The following FAM13A variants were observed in gnomAD, a reference collection of about 807,000 sequenced individuals.
FAM13A encodes family with sequence similarity 13 member A, also known as protein FAM13A.
In FAM13A, 76 loss-of-function variants were observed where a neutral mutation model predicts 129.6. The observed-to-expected ratio is 0.59, with a 90% confidence interval of 0.49 to 0.71. FAM13A has a LOEUF of 0.71. Among genes scored for constraint, FAM13A ranks in the 30% least tolerant of loss-of-function variants. The pLI, the probability that FAM13A is intolerant of heterozygous loss-of-function variation, is 0.00. For missense variants in FAM13A, 1,108 were observed against 1,249.3 expected (o/e 0.89, Z 1.70); for synonymous variants, 443 against 449.9 (o/e 0.98, Z 0.20).
At position 88,759,881 on chromosome 4, in the gene FAM13A, T is replaced by C. The variant is rs192265531; in HGVS notation, c.1579-980A>G. On this transcript the variant is annotated intron_variant, in intron 13 of 23. Transcript: ENST00000264344. Reference sequence around the variant, plus strand: ...TTTTTTTTAAGCCTTGCTCTCTGGGTAATTTGTAAATTCAACCATTGTCAC... The same window carrying C: ...TTTTTTTTAAGCCTTGCTCTCTGGGCAATTTGTAAATTCAACCATTGTCAC... Among the ~76,000 whole-genome samples the C allele has an allele frequency of 2.0e-4, 31 of 152,330 alleles. 1 individual carries two copies. The East Asian group carries it at 5.6e-3, about 27-fold the overall frequency.
intron 23 of FAM13A, chr4:88,729,080 T>TC (rs111874270): frequency 1.4e-5 from 2 of 147,166 alleles, no homozygotes; most frequent in Non-Finnish European, 2.9e-5. Context: ...TTTTTTTTTT[T>TC]CCAAAAACAG....
At chr4:88,753,885 G>A (rs1045419685) in intron 14 of FAM13A, among the ~76,000 whole-genome samples, 3 of 152,110 alleles carry the variant, frequency 2.0e-5, no homozygotes, top group Non-Finnish European at 2.9e-5. Flanking sequence ...CTAGAGAGCC[G>A]GTTTTGAGGA....
intron 6 of FAM13A, among the ~76,000 whole-genome samples, chr4:88,877,827 A>G (rs1446814461): frequency 6.6e-6 from 1 of 152,178 alleles, no homozygotes; most frequent in African/African-American, 2.4e-5. Context: ...TGAATCTTCT[A>G]CTTCCCACCT....
chr4:88,923,034 G>A (rs1375805329), intron 5 of FAM13A, among the ~76,000 whole-genome samples: 1 of 152,058 alleles, frequency 6.6e-6, no homozygotes, highest in Admixed American at 6.6e-5. Context: ...CCAATAACAG[G>A]CTCTGAAATT....
rs1742325866 is a variant in FAM13A at position 88,750,439 on chromosome 4, G to C, written c.1925C>G (p.Ser642Cys). The change falls in exon 15 of 24, where the codon TCC becomes TGC. Residue 642 changes from serine (S) to cysteine (C), a missense_variant. Transcript: ENST00000264344. The part of the protein sequence containing the change: ...DTEVPPSPPN[S>C]HSFMRRRSSS... ...AGAAACATACCTCATGAAAGAATGG[G>C]AGTTTGGTGGGGAAGGAGGCACTTC... The C allele has an allele frequency of 1.9e-6, 3 of 1,613,818 alleles. No homozygotes were observed. Among genetic ancestry groups the C allele is most frequent in the Non-Finnish European group, 2.5e-6 (3 of 1,179,710 alleles).
intron 3 of FAM13A, among the ~76,000 whole-genome samples, chr4:89,015,990 T>C (rs918959745): frequency 2.6e-5 from 4 of 152,218 alleles, no homozygotes; most frequent in East Asian, 1.9e-4. Flanking sequence ...ATGTGTATGT[T>C]AACTGTAACA....
intron 4 of FAM13A, among the ~76,000 whole-genome samples, chr4:88,942,684 C>A (rs763895346): frequency 6.6e-6 from 1 of 151,956 alleles, no homozygotes; most frequent in African/African-American, 2.4e-5. Flanking sequence ...ATCACCCATA[C>A]CAAAGACGGT....
chr4:88,808,674 C>T (rs1376650477), intron 7 of FAM13A, among the ~76,000 whole-genome samples: 1 of 151,980 alleles, frequency 6.6e-6, no homozygotes, highest in Non-Finnish European at 1.5e-5. Flanking sequence ...AGAATTCATT[C>T]GATTTCCTCC....
intron 1 of FAM13A, among the ~76,000 whole-genome samples, chr4:89,052,689 T>C (rs951979973): frequency 8.5e-5 from 13 of 152,112 alleles, no homozygotes; most frequent in African/African-American, 3.1e-4. Context: ...TATAAAACAA[T>C]GGCTTGGCCA....
chr4:89,052,260 TTTTTTTCTTTTTTC>T (rs35430874), intron 1 of FAM13A, among the ~76,000 whole-genome samples: 11 of 141,768 alleles, frequency 7.8e-5, no homozygotes, highest in Non-Finnish European at 1.5e-5. Context: ...CTTTCTTTTT[TTTTTTTCTTTTTTC>T]TTTTTTCTTT....
chr4:88,728,430 G>A lies in FAM13A; in HGVS notation c.*103C>T, dbSNP rs1039647394. On this transcript the variant is annotated 3_prime_UTR_variant, in exon 24 of 24. Coordinates refer to ENST00000264344, the MANE Select transcript of FAM13A (RefSeq NM_014883.4). The stretch of plus-strand genomic sequence containing the variant: ...TGGTCTAGAGGCAGAAGGGCTGCAT[G>A]CTTTGCAGGGCCAGCCCCAAGGCTG... The A allele has an allele frequency of 7.0e-6, 10 of 1,426,366 alleles. No individual in the cohort carries two copies. Among genetic ancestry groups the A allele is most frequent in the African/African-American group, 5.7e-5 (4 of 70,406 alleles). The allele number at this position is 1,426,366 out of a possible 1,614,324, so 88.4% of individuals were successfully genotyped here.
chr4:89,010,189 C>A (rs1765553240), intron 3 of FAM13A, among the ~76,000 whole-genome samples: 2 of 152,152 alleles, frequency 1.3e-5, no homozygotes, highest in Admixed American at 6.5e-5. Flanking sequence ...AAATTTGTAA[C>A]CCTGCTAAAC....
Position 88,938,131 on chromosome 4 carries a change from T to C in FAM13A, c.716A>G (p.Asp239Gly). 6.2e-7 allele frequency: 1 copy of C among 1,613,712 alleles called. No individual in the cohort carries two copies. The highest frequency in any genetic ancestry group is 1.3e-5 in the African/African-American group (1 of 75,032). ...TLFEVEYTEN[D>G]HLRCENLARL... Reference sequence around the variant, plus strand: ...AGCCAGGTTTTCACATCTCAGATGATCATTTTCTGTATACTCTACTTCAAA... The same window carrying C: ...AGCCAGGTTTTCACATCTCAGATGACCATTTTCTGTATACTCTACTTCAAA... Residue 239 changes from aspartate (D) to glycine (G), a missense_variant, in exon 5 of 24, where the codon GAT becomes GGT. This residue lies in a region of FAM13A where 566 missense variants were observed against 595.7 expected (regional missense o/e 0.95). Transcript: ENST00000264344.
chr4:88,812,134 C>T (rs904583480), intron 7 of FAM13A, among the ~76,000 whole-genome samples: 1 of 152,112 alleles, frequency 6.6e-6, no homozygotes, highest in African/African-American at 2.4e-5. Flanking sequence ...GACTTCCCAG[C>T]CTCCAGAACT....
intron 6 of FAM13A, among the ~76,000 whole-genome samples, chr4:88,880,789 G>GC (rs1743412633): frequency 7.4e-6 from 1 of 134,356 alleles, no homozygotes; most frequent in African/African-American, 2.6e-5. Context: ...GGGGCGGGGG[G>GC]GGGGGGGGCA....
At chr4:88,810,607 C>T (rs896139961) in intron 7 of FAM13A, among the ~76,000 whole-genome samples, 1 of 152,068 alleles carries the variant, frequency 6.6e-6, no homozygotes, top group Non-Finnish European at 1.5e-5. Flanking sequence ...AAAGGTGCTT[C>T]AATCTTACTT....
chr4:88,952,599 A>G (rs1373583689), intron 4 of FAM13A, among the ~76,000 whole-genome samples: 1 of 152,214 alleles, frequency 6.6e-6, no homozygotes, highest in East Asian at 1.9e-4. Context: ...GTATAGGTAC[A>G]TGTAGTTCAT....
chr4:88,871,856 G>C (rs570830030), intron 6 of FAM13A, among the ~76,000 whole-genome samples: 1 of 152,254 alleles, frequency 6.6e-6, no homozygotes, highest in East Asian at 1.9e-4. Context: ...GATTCACCAA[G>C]GTTGAAATGA....
rs975791502 is a variant in FAM13A at position 89,042,090 on chromosome 4, T to G, written c.28-12441A>C. Among the ~76,000 whole-genome samples, 9 of 116,470 alleles carry G rather than the reference T, an allele frequency of 7.7e-5. 1 individual carries two copies. Among genetic ancestry groups the G allele is most frequent in the Admixed American group, 6.7e-4 (8 of 11,854 alleles). 76.4% of individuals were successfully genotyped at this position (116,470 alleles called of 152,430 possible). The stretch of plus-strand genomic sequence containing the variant: ...CACATCTTTGATGGACATATGTATA[T>G]GTTTGATGAACAAGATGTAAATAGA... On this transcript the variant is annotated intron_variant, in intron 1 of 23. Transcript: ENST00000264344.
Sources: allele counts gnomAD v4.1 joint callset (sites outside exome capture counted in the v4.1 genomes callset), GRCh38; gene constraint gnomAD v4.1.1; regional missense constraint gnomAD v4.1.1; transcripts MANE v1.5; gene names NCBI Gene and HGNC (gene_info 2026-07-23, HGNC 2026-07-21).